Variants in MAP2 observed in about 807,000 individuals in gnomAD.
The protein encoded by MAP2 is microtubule-associated protein 2.
A neutral mutation model predicts 137.6 loss-of-function variants in MAP2; 14 were observed. The observed-to-expected ratio is 0.10, with a 90% confidence interval of 0.07 to 0.16. MAP2 has a LOEUF of 0.16. Among genes scored for constraint, MAP2 ranks in the 10% least tolerant of loss-of-function variants. The pLI is 1.00. For synonymous variants in MAP2, 786 were observed against 782.3 expected (o/e 1.00, Z -0.08); for missense variants, 2,088 against 2,191.5 (o/e 0.95, Z 0.94).
intron 13 of MAP2, among the ~76,000 whole-genome samples, chr2:209,720,767 C>G (rs1295958113): frequency 6.7e-6 from 1 of 150,108 alleles, no homozygotes; most frequent in Non-Finnish European, 1.5e-5. Flanking sequence ...TTAGCTTTTT[C>G]GTTAAATAGT....
chr2:209,599,685 G>T (rs2082404359), intron 3 of MAP2, among the ~76,000 whole-genome samples: 1 of 151,980 alleles, frequency 6.6e-6, no homozygotes, highest in African/African-American at 2.4e-5. Flanking sequence ...GGAGTCTATG[G>T]CTGGTAAATT....
At chr2:209,609,021 C>A (rs1266166953) in intron 3 of MAP2, among the ~76,000 whole-genome samples, 19 of 152,038 alleles carry the variant, frequency 1.2e-4, no homozygotes. Flanking sequence ...ACTTTTTCTT[C>A]TGTGCTCTCA....
chr2:209,591,621 C>T (rs1200852175), intron 3 of MAP2, among the ~76,000 whole-genome samples: 1 of 152,068 alleles, frequency 6.6e-6, no homozygotes, highest in Non-Finnish European at 1.5e-5. Context: ...AACAAGAGGA[C>T]CAAAAGAAAA....
chr2:209,580,163 T>C (rs1023616606), intron 3 of MAP2, 63 bp downstream of exon 3: 3 of 152,112 alleles, frequency 2.0e-5, no homozygotes, highest in Non-Finnish European at 4.4e-5. Flanking sequence ...GGAATGTTTT[T>C]ATTTAAATTA....
chr2:209,513,157 A>G (rs2061976231), intron 2 of MAP2, among the ~76,000 whole-genome samples: 1 of 152,144 alleles, frequency 6.6e-6, no homozygotes, highest in Non-Finnish European at 1.5e-5. Context: ...TTAATGTCTA[A>G]CCAGTAAGCT....
Position 209,493,225 on chromosome 2 carries a change from A to G in MAP2, c.-221-14367A>G, listed in dbSNP as rs144976959. 2.2e-4 allele frequency among the ~76,000 whole-genome samples: 33 copies of G among 152,354 alleles called. No individual in the cohort carries two copies. The East Asian group carries it at 4.8e-3, about 22-fold the overall frequency. On this transcript the variant is annotated intron_variant, in intron 1 of 15. Coordinates refer to ENST00000682079, the MANE Select transcript of MAP2 (RefSeq NM_001375505.1). ...ATGGTGTTGGGAAAACTCGCTAGCC[A>G]TATGCAGAAAACTGAAACTGGACCC...
At chr2:209,701,913 C>T (rs2153736945) in intron 11 of MAP2, among the ~76,000 whole-genome samples, 1 of 152,014 alleles carries the variant, frequency 6.6e-6, no homozygotes, top group East Asian at 1.9e-4. Context: ...TTATATGATC[C>T]TTTTCTTCCT....
At chr2:209,611,047 A>C (rs7576723) in intron 3 of MAP2, among the ~76,000 whole-genome samples, 2,600 of 152,312 alleles carry the variant, frequency 0.017, 86 homozygotes, top group African/African-American at 0.059. Context: ...AGTGGAAAAT[A>C]ATCTATAAGT....
At position 209,678,413 on chromosome 2, in the gene MAP2, A is replaced by G. The variant is rs150164643; in HGVS notation, c.263-159A>G. Among the ~76,000 whole-genome samples, 555 of 152,072 alleles carry G rather than the reference A, an allele frequency of 3.6e-3. 3 individuals are homozygous for G. Among genetic ancestry groups the G allele is most frequent in the African/African-American group, 0.013 (524 of 41,498 alleles). ...AACTTCTTTTCTTCTTCTTTTTTGT[A>G]TATATGTGTTTATGTTTTCTCTGCA... On this transcript the variant is annotated intron_variant, in intron 5 of 15. Coordinates refer to ENST00000682079, the MANE Select transcript of MAP2 (RefSeq NM_001375505.1).
At chr2:209,612,249 T>G (rs1198465493) in intron 3 of MAP2, among the ~76,000 whole-genome samples, 2 of 152,306 alleles carry the variant, frequency 1.3e-5, no homozygotes, top group African/African-American at 4.8e-5. Flanking sequence ...GGTCTATTCA[T>G]AAAATATTTC....
intron 1 of MAP2, 89 bp downstream of exon 1, chr2:209,424,365 G>A (rs1007481286): frequency 5.9e-5 from 9 of 152,594 alleles, no homozygotes; most frequent in East Asian, 3.9e-4. Flanking sequence ...AATGGGGAGG[G>A]GTTGTGTCTC....
chr2:209,474,204 T>A (rs1448992925), intron 1 of MAP2, among the ~76,000 whole-genome samples: 1 of 152,226 alleles, frequency 6.6e-6, no homozygotes, highest in South Asian at 2.1e-4. Flanking sequence ...ACAACTGATT[T>A]GTGGTTTAAT....
At chr2:209,608,320 G>T (rs892059540) in intron 3 of MAP2, among the ~76,000 whole-genome samples, 1 of 151,144 alleles carries the variant, frequency 6.6e-6, no homozygotes, top group African/African-American at 2.4e-5. Flanking sequence ...ACAGTATCTT[G>T]CTGTGTCACC....
chr2:209,602,306 G>A (rs1246952108), intron 3 of MAP2, among the ~76,000 whole-genome samples: 3 of 152,106 alleles, frequency 2.0e-5, no homozygotes, highest in African/African-American at 7.2e-5. Context: ...AAACTATTAG[G>A]ATTTTTCTCT....
At chr2:209,442,586 T>G (rs1417125878) in intron 1 of MAP2, among the ~76,000 whole-genome samples, 1 of 151,660 alleles carries the variant, frequency 6.6e-6, no homozygotes, top group Non-Finnish European at 1.5e-5. Context: ...ACACTTTCAC[T>G]GGATGATCTT....
At chr2:209,643,153 C>T (rs1362015777) in intron 4 of MAP2, among the ~76,000 whole-genome samples, 1 of 152,114 alleles carries the variant, frequency 6.6e-6, no homozygotes, top group Non-Finnish European at 1.5e-5. Flanking sequence ...ACTGTCTGTG[C>T]CGAACACATT....
chr2:209,632,402 T>C (rs906872212), intron 4 of MAP2, among the ~76,000 whole-genome samples: 11 of 151,908 alleles, frequency 7.2e-5, no homozygotes, highest in African/African-American at 2.7e-4. Context: ...GAAGAAGGAA[T>C]CATGCCTATC....
At chr2:209,600,150 C>G (rs1439741530) in intron 3 of MAP2, among the ~76,000 whole-genome samples, 1 of 152,148 alleles carries the variant, frequency 6.6e-6, no homozygotes, top group African/African-American at 2.4e-5. Context: ...TTGCTTCTTT[C>G]TACCCATTTC....
intron 2 of MAP2, among the ~76,000 whole-genome samples, chr2:209,518,842 C>T (rs1189806388): frequency 6.6e-6 from 1 of 151,972 alleles, no homozygotes; most frequent in African/African-American, 2.4e-5. Context: ...CTAGATGTTC[C>T]AACTCACCCT....
Sources: allele counts gnomAD v4.1 joint callset (sites outside exome capture counted in the v4.1 genomes callset), GRCh38; gene constraint gnomAD v4.1.1; transcripts MANE v1.5; gene names NCBI Gene and HGNC (gene_info 2026-07-23, HGNC 2026-07-21).